ZNF503: variants seen among roughly 807,000 people sequenced by gnomAD.
ZNF503 encodes the protein NocA-like zinc finger 2.
In ZNF503, 15 loss-of-function variants were observed where a neutral mutation model predicts 34.4. The observed-to-expected ratio is 0.44, with a 90% confidence interval of 0.29 to 0.67. The LOEUF (loss-of-function observed/expected upper bound fraction) is 0.67. Ranked by LOEUF, ZNF503 falls within the 30% of genes least tolerant of loss-of-function variation. The pLI, the probability that ZNF503 is intolerant of heterozygous loss-of-function variation, is 0.13. For missense variants in ZNF503, 1,007 were observed against 926.8 expected (o/e 1.09, Z -1.12); for synonymous variants, 580 against 456.8 (o/e 1.27, Z -3.44).
chr10:75,386,845 C>T, the ZNF503 span, among the ~76,000 whole-genome samples: 31 of 152,350 alleles, frequency 2.0e-4, no homozygotes, highest in Middle Eastern at 3.4e-3. Flanking sequence ...GCTGCCTCCT[C>T]CCCAATGACT....
chr10:75,299,746 C>T, the ZNF503 span, among the ~76,000 whole-genome samples: 13 of 152,156 alleles, frequency 8.5e-5, no homozygotes, highest in African/African-American at 2.4e-4. Flanking sequence ...TCGGTAGGTT[C>T]GGTGATGCCT....
the ZNF503 span, among the ~76,000 whole-genome samples, chr10:75,351,009 GAGTC>G: frequency 1.3e-5 from 2 of 152,182 alleles, no homozygotes; most frequent in African/African-American, 4.8e-5. Flanking sequence ...TTCCACAGAT[GAGTC>G]ATCTACATCC....
At chr10:75,326,442 G>A in the ZNF503 span, among the ~76,000 whole-genome samples, 2 of 151,840 alleles carry the variant, frequency 1.3e-5, no homozygotes, top group Non-Finnish European at 2.9e-5. Flanking sequence ...TTGCTTGGCT[G>A]GAAATGTCTT....
chr10:75,282,508 C>T, the ZNF503 span, among the ~76,000 whole-genome samples: 1 of 152,204 alleles, frequency 6.6e-6, no homozygotes, highest in African/African-American at 2.4e-5. Context: ...CTGGATGGCC[C>T]TGCCTCTGGG....
chr10:75,365,198 G>A, the ZNF503 span, among the ~76,000 whole-genome samples: 2 of 152,318 alleles, frequency 1.3e-5, no homozygotes. Flanking sequence ...GTCCAGGCTG[G>A]AGTGCAGTGG....
At chr10:75,311,904 A>AT in the ZNF503 span, among the ~76,000 whole-genome samples, 285 of 145,226 alleles carry the variant, frequency 2.0e-3, 1 homozygote, top group South Asian at 9.6e-3. Flanking sequence ...CACCCAGCTA[A>AT]TTTTTTTTTT....
At chr10:75,325,326 TATA>T in the ZNF503 span, among the ~76,000 whole-genome samples, 398 of 112,330 alleles carry the variant, frequency 3.5e-3, 2 homozygotes, top group African/African-American at 0.018. Flanking sequence ...CATATATATA[TATA>T]TTTTTTTTTT....
At chr10:75,367,153 A>G in the ZNF503 span, among the ~76,000 whole-genome samples, 1 of 152,164 alleles carries the variant, frequency 6.6e-6, no homozygotes, top group Non-Finnish European at 1.5e-5. Context: ...GCCCAGAAAG[A>G]ATCAGAACTT....
Position 75,399,289 on chromosome 10 carries a change from C to A in ZNF503, c.1401G>T (p.Pro467=). 6.2e-7 allele frequency: 1 copy of A among 1,600,594 alleles called. No homozygotes were observed. Among genetic ancestry groups the A allele is most frequent in the Non-Finnish European group, 8.5e-7 (1 of 1,174,708 alleles). The part of the protein sequence containing the change: ...AAAAALKSGY[P]LVYPTHPLHG... ...GCAGCGGGTGCGTGGGGTACACCAG[C>A]GGGTATCCGGACTTCAGCGCCGCAG... The change falls in exon 2 of 2, where the codon CCG becomes CCT. Residue 467 remains proline, a synonymous_variant. Transcript: ENST00000372524.
chr10:75,387,762 G>T, the ZNF503 span, among the ~76,000 whole-genome samples: 1 of 152,170 alleles, frequency 6.6e-6, no homozygotes, highest in South Asian at 2.1e-4. Flanking sequence ...ATGGGGTGAG[G>T]GTGAGGGGCT....
At chr10:75,286,766 C>T in the ZNF503 span, among the ~76,000 whole-genome samples, 1 of 152,190 alleles carries the variant, frequency 6.6e-6, no homozygotes, top group Non-Finnish European at 1.5e-5. Context: ...ACACCAACCT[C>T]CTGGCTTCCA....
At chr10:75,307,118 C>T in the ZNF503 span, among the ~76,000 whole-genome samples, 2 of 152,172 alleles carry the variant, frequency 1.3e-5, no homozygotes, top group Admixed American at 6.6e-5. Flanking sequence ...AATGATTTAG[C>T]TTAGTGAGGA....
the ZNF503 span, among the ~76,000 whole-genome samples, chr10:75,309,659 A>T: frequency 6.6e-6 from 1 of 152,246 alleles, no homozygotes; most frequent in African/African-American, 2.4e-5. Flanking sequence ...TATAACTTTT[A>T]TATGTCTGGG....
In ZNF503 at chr10:75,401,692, C is replaced by T. The variant is rs1564761730; in HGVS notation, c.-273G>A. On this transcript the variant is annotated 5_prime_UTR_variant, in exon 1 of 2. Coordinates refer to ENST00000372524, the MANE Select transcript of ZNF503 (RefSeq NM_032772.6). ...GTGTCCGCCTCGGGCTGCTCCCCTG[C>T]GCTGCGTTCTCGCGGCCCCGCGCCG... The T allele has an allele frequency of 2.3e-6, 1 of 437,594 alleles. No individual in the cohort carries two copies. The highest frequency in any genetic ancestry group is 4.0e-6 in the Non-Finnish European group (1 of 248,974). 27.1% of individuals were successfully genotyped at this position (437,594 alleles called of 1,614,324 possible).
At chr10:75,294,593 A>G in the ZNF503 span, among the ~76,000 whole-genome samples, 3 of 152,198 alleles carry the variant, frequency 2.0e-5, no homozygotes, top group Non-Finnish European at 4.4e-5. Context: ...GCAGCCTCAC[A>G]GAACGGACGT....
chr10:75,313,600 T>A, the ZNF503 span, among the ~76,000 whole-genome samples: 4 of 152,230 alleles, frequency 2.6e-5, no homozygotes, highest in South Asian at 2.1e-4. Flanking sequence ...ACTATGGACC[T>A]TGTCAAGAAG....
chr10:75,339,728 G>A, the ZNF503 span, among the ~76,000 whole-genome samples: 1 of 152,138 alleles, frequency 6.6e-6, no homozygotes, highest in Non-Finnish European at 1.5e-5. Context: ...GGGCAAAGGC[G>A]AATGGTATGG....
At chr10:75,379,470 T>C in the ZNF503 span, among the ~76,000 whole-genome samples, 1 of 152,234 alleles carries the variant, frequency 6.6e-6, no homozygotes, top group African/African-American at 2.4e-5. Flanking sequence ...TGCTATTTGG[T>C]TTACAGCTTC....
At chr10:75,376,672 CT>C in the ZNF503 span, among the ~76,000 whole-genome samples, 1 of 151,966 alleles carries the variant, frequency 6.6e-6, no homozygotes, top group Non-Finnish European at 1.5e-5. Context: ...ACAAAAAAAC[CT>C]GAGACTGGTT....
Sources: allele counts gnomAD v4.1 joint callset (sites outside exome capture counted in the v4.1 genomes callset), GRCh38; gene constraint gnomAD v4.1.1; transcripts MANE v1.5; gene names NCBI Gene and HGNC (gene_info 2026-07-23, HGNC 2026-07-21).